The following ARHGAP18 variants were observed in gnomAD, a reference collection of about 807,000 sequenced individuals.
ARHGAP18 encodes the protein Rho GTPase activating protein 18, also known as rho GTPase-activating protein 18.
Under a neutral mutation model 86.2 loss-of-function variants are expected in ARHGAP18, and 67 were observed. That is an observed-to-expected ratio of 0.78 (90% CI 0.64 to 0.95). The LOEUF (loss-of-function observed/expected upper bound fraction) is 0.95, where lower values mean the gene tolerates loss of function less well. ARHGAP18 is among the 40% of genes least tolerant of loss of function. ARHGAP18 has a pLI of 0.00. For missense variants in ARHGAP18, 691 were observed against 780.4 expected, an observed-to-expected ratio of 0.89 and a Z score of 1.37; for synonymous variants, 283 against 280.4, an observed-to-expected ratio of 1.01 and a Z score of -0.09.
chr6:129,599,344 T>C lies in ARHGAP18; in HGVS notation c.1585A>G (p.Ile529Val), dbSNP rs1427520406. The C allele has an allele frequency of 1.3e-6, 2 of 1,561,436 alleles. No homozygotes were observed. Among genetic ancestry groups the C allele is most frequent in the Non-Finnish European group, 1.7e-6 (2 of 1,159,492 alleles). The change falls in exon 12 of 15, where the codon ATT (isoleucine) becomes GTT (valine). Residue 529 changes from isoleucine to valine, a missense_variant. Physicochemically the swap from Ile to Val is conservative, Grantham distance 29. Coordinates refer to ENST00000368149, the MANE Select transcript of ARHGAP18 (RefSeq NM_033515.3). ...QKLLWTIPKFIVNQVRKQNTE... is the reference protein window; with the variant it reads ...QKLLWTIPKFVVNQVRKQNTE... Reference sequence around the variant, plus strand: ...TTTTGCTTCCTCACTTGGTTTACAATAAACTTGGGAATCTATAGAGAAAAG... The same window carrying C: ...TTTTGCTTCCTCACTTGGTTTACAACAAACTTGGGAATCTATAGAGAAAAG...
chr6:129,645,713 G>A (rs1403910420), intron 1 of ARHGAP18, among the ~76,000 whole-genome samples: 2 of 152,160 alleles, frequency 1.3e-5, no homozygotes, highest in African/African-American at 4.8e-5. Flanking sequence ...TTCCTAGCTT[G>A]CTGTACAAGT....
chr6:129,625,117 A>ATGATATAT lies in ARHGAP18; in HGVS notation c.786+4235_786+4236insATATATCA, dbSNP rs553523150. ...ATATGATATATATTATATATTATAT[A>ATGATATAT]GATATATATTATATATGATATATAT... is the stretch of plus-strand genomic sequence containing the variant. On this transcript the variant is annotated intron_variant, in intron 5 of 14. Coordinates refer to ENST00000368149, the MANE Select transcript of ARHGAP18 (RefSeq NM_033515.3). 6.0e-3 allele frequency among the ~76,000 whole-genome samples: 169 copies of ATGATATAT among 27,952 alleles called. 39 individuals carry two copies. The highest frequency in any genetic ancestry group is 8.0e-3 in the Non-Finnish European group (127 of 15,854). The allele number at this position is 27,952 out of a possible 152,430, so 18.3% of individuals were successfully genotyped here. A position where few individuals can be genotyped will look rare whatever the true frequency, so the allele number is the denominator to read the frequency against.
chr6:129,693,843 A>G (rs17057622), intron 1 of ARHGAP18, among the ~76,000 whole-genome samples: 3 of 152,188 alleles, frequency 2.0e-5, no homozygotes, highest in Non-Finnish European at 4.4e-5. Flanking sequence ...AGTACTTAGA[A>G]TTAGAGAGTG....
intron 7 of ARHGAP18, among the ~76,000 whole-genome samples, chr6:129,614,409 T>G (rs1044217725): frequency 6.6e-6 from 1 of 152,186 alleles, no homozygotes; most frequent in Admixed American, 6.5e-5. Flanking sequence ...TTTTATATGC[T>G]CCTTTATTTT....
rs916365176 is a variant in ARHGAP18, at chr6:129,576,469, T to G, written c.*2044A>C. The G allele has an allele frequency of 2.6e-5, 4 of 152,156 alleles. No homozygotes were observed. The highest frequency in any genetic ancestry group is 9.7e-5 in the African/African-American group (4 of 41,438). 9.4% of individuals were successfully genotyped at this position (152,156 alleles called of 1,614,324 possible). A position where few individuals can be genotyped will look rare whatever the true frequency, so the allele number is the denominator to read the frequency against. ...GAGCAAGACCCTGTCTCTAAAAAAT[T>G]TGAGATTTTTTAAAGTCCATATTTT... On this transcript the variant is annotated 3_prime_UTR_variant, in exon 15 of 15. Transcript: ENST00000368149.
chr6:129,706,078 G>A (rs1774797243), intron 1 of ARHGAP18, among the ~76,000 whole-genome samples: 1 of 152,014 alleles, frequency 6.6e-6, no homozygotes, highest in Non-Finnish European at 1.5e-5. Context: ...GTTAGCTAAG[G>A]AATTAAAAGG....
intron 5 of ARHGAP18, among the ~76,000 whole-genome samples, chr6:129,627,688 A>G (rs1232558987): frequency 6.6e-6 from 1 of 151,996 alleles, no homozygotes; most frequent in Non-Finnish European, 1.5e-5. Flanking sequence ...AGAGAGGGAG[A>G]GAGAAAGAAA....
intron 3 of ARHGAP18, among the ~76,000 whole-genome samples, chr6:129,637,501 C>T (rs1691646370): frequency 6.6e-6 from 1 of 152,272 alleles, no homozygotes. Context: ...GGCTAGACAC[C>T]TTAAAGTTTA....
intron 12 of ARHGAP18, among the ~76,000 whole-genome samples, chr6:129,585,658 A>G (rs1417887140): frequency 1.3e-5 from 2 of 152,322 alleles, no homozygotes; most frequent in East Asian, 3.9e-4. Flanking sequence ...CAGTCAGTGA[A>G]GGGCCACAGA....
intron 5 of ARHGAP18, among the ~76,000 whole-genome samples, chr6:129,625,502 AT>A (rs1217825166): frequency 2.0e-5 from 1 of 48,818 alleles, no homozygotes; most frequent in African/African-American, 7.0e-5. Flanking sequence ...TATAATATAT[AT>A]TTTATATATC....
intron 8 of ARHGAP18, among the ~76,000 whole-genome samples, chr6:129,610,494 T>A (rs566512922): frequency 6.6e-6 from 1 of 152,212 alleles, no homozygotes; most frequent in East Asian, 1.9e-4. Flanking sequence ...CAGGCTACCC[T>A]GGATGCAGCA....
At chr6:129,684,770 A>C (rs925651939) in intron 1 of ARHGAP18, among the ~76,000 whole-genome samples, 4 of 152,224 alleles carry the variant, frequency 2.6e-5, no homozygotes, top group African/African-American at 9.7e-5. Context: ...TACTTTACCC[A>C]AATCATGAAA....
At position 129,707,736 on chromosome 6, in the gene ARHGAP18, C is replaced by T. The variant is rs184438100; in HGVS notation, c.113+2288G>A. Among the ~76,000 whole-genome samples the T allele has an allele frequency of 8.6e-5, 13 of 150,838 alleles. No individual in the cohort carries two copies. The East Asian group carries it at 2.5e-3, about 29-fold the overall frequency. On this transcript the variant is annotated intron_variant, in intron 1 of 14. Coordinates refer to ENST00000368149, the MANE Select transcript of ARHGAP18 (RefSeq NM_033515.3). ...CAGGCTGGTCTCTAACTCCTGAGCT[C>T]AAGCAATCCACCCACCTCAGCTTCC...
At chr6:129,694,548 A>G (rs1189812817) in intron 1 of ARHGAP18, among the ~76,000 whole-genome samples, 1 of 152,232 alleles carries the variant, frequency 6.6e-6, no homozygotes, top group African/African-American at 2.4e-5. Flanking sequence ...AAGATACTCA[A>G]CCAGTTTCTA....
intron 1 of ARHGAP18, 107 bp from the exon 2 acceptor site, chr6:129,642,125 T>C: frequency 1.0e-6 from 1 of 963,834 alleles, no homozygotes. Flanking sequence ...CCTTAAGTTA[T>C]CCTTAATAAA....
chr6:129,587,881 C>T (rs1788429903), intron 12 of ARHGAP18, among the ~76,000 whole-genome samples: 1 of 152,176 alleles, frequency 6.6e-6, no homozygotes, highest in Non-Finnish European at 1.5e-5. Context: ...CAACAGTCCC[C>T]CAAAGTCTTA....
intron 11 of ARHGAP18, among the ~76,000 whole-genome samples, chr6:129,599,688 G>A (rs1044409451): frequency 2.0e-5 from 3 of 152,178 alleles, no homozygotes; most frequent in Admixed American, 2.0e-4. Flanking sequence ...AGCCACCTCC[G>A]TAGGTCTTTC....
chr6:129,708,277 C>T (rs966649136), intron 1 of ARHGAP18, among the ~76,000 whole-genome samples: 1 of 152,164 alleles, frequency 6.6e-6, no homozygotes, highest in Non-Finnish European at 1.5e-5. Flanking sequence ...TATGGGCAGG[C>T]TACGTGACAG....
At chr6:129,652,973 C>T (rs544187364) in intron 1 of ARHGAP18, among the ~76,000 whole-genome samples, 1 of 152,110 alleles carries the variant, frequency 6.6e-6, no homozygotes, top group African/African-American at 2.4e-5. Context: ...ACTTTCTATG[C>T]TAATAAAAAC....
Sources: gnomAD v4.1 joint callset for allele counts (sites outside exome capture counted in the v4.1 genomes callset) on GRCh38, gnomAD v4.1.1 for gene constraint, MANE v1.5 for transcripts, NCBI Gene and HGNC (gene_info 2026-07-23, HGNC 2026-07-21) for gene names.